The following BICC1 variants were observed in gnomAD, a reference collection of about 807,000 sequenced individuals.
BICC1 encodes BicC family RNA binding protein 1.
A neutral mutation model predicts 111.0 loss-of-function variants in BICC1; 43 were observed. That is an observed-to-expected ratio of 0.39 (90% CI 0.30 to 0.50). The LOEUF is 0.50. Ranked by LOEUF, BICC1 falls within the 20% of genes least tolerant of loss-of-function variation. The pLI is 0.88. For synonymous variants in BICC1, 467 were observed against 434.4 expected (o/e 1.07, Z -0.93); for missense variants, 1,091 against 1,203.2 (o/e 0.91, Z 1.38).
intron 1 of BICC1, among the ~76,000 whole-genome samples, chr10:58,570,958 G>GAA (rs1843930312): frequency 6.6e-6 from 1 of 152,168 alleles, no homozygotes; most frequent in Admixed American, 6.6e-5. Context: ...TTTTTGGGTA[G>GAA]AAATGTTTGC....
At chr10:58,820,112 C>G (rs1160846858) in intron 19 of BICC1, among the ~76,000 whole-genome samples, 2 of 152,092 alleles carry the variant, frequency 1.3e-5, no homozygotes, top group Non-Finnish European at 2.9e-5. Context: ...TATCAGTTCA[C>G]AAAAATGGTA....
chr10:58,718,885 G>C (rs1199565115), intron 3 of BICC1, among the ~76,000 whole-genome samples: 4 of 152,110 alleles, frequency 2.6e-5, no homozygotes, highest in Non-Finnish European at 5.9e-5. Context: ...GAATTTCTGA[G>C]TTTTCTTGGT....
intron 1 of BICC1, among the ~76,000 whole-genome samples, chr10:58,553,866 A>G (rs1004602041): frequency 1.3e-5 from 2 of 151,926 alleles, no homozygotes; most frequent in African/African-American, 4.8e-5. Flanking sequence ...AAAAAAAACC[A>G]GTCTACTGGG....
At chr10:58,658,531 T>A (rs1428139887) in intron 2 of BICC1, among the ~76,000 whole-genome samples, 2 of 152,110 alleles carry the variant, frequency 1.3e-5, no homozygotes, top group Non-Finnish European at 2.9e-5. Context: ...AGTTGCCAAA[T>A]GGTGATTAAT....
At chr10:58,729,438 A>G (rs1480538102) in intron 3 of BICC1, among the ~76,000 whole-genome samples, 1 of 152,122 alleles carries the variant, frequency 6.6e-6, no homozygotes, top group African/African-American at 2.4e-5. Context: ...AATTGAAGAG[A>G]GTTAGGGCTT....
At chr10:58,627,755 G>A (rs942878715) in intron 2 of BICC1, among the ~76,000 whole-genome samples, 4 of 151,844 alleles carry the variant, frequency 2.6e-5, no homozygotes, top group African/African-American at 9.7e-5. Flanking sequence ...TCTTAGCGGG[G>A]GCATAGGACA....
intron 3 of BICC1, among the ~76,000 whole-genome samples, chr10:58,779,742 G>C (rs1230463060): frequency 6.6e-6 from 1 of 152,142 alleles, no homozygotes; most frequent in Non-Finnish European, 1.5e-5. Flanking sequence ...ACATCATAAA[G>C]GAAATCTGTA....
intron 18 of BICC1, chr10:58,814,451 A>G (rs186649517): frequency 7.0e-6 from 2 of 286,408 alleles, no homozygotes; most frequent in South Asian, 5.3e-5. Flanking sequence ...ATGTACACAC[A>G]TGCATCCAGG....
chr10:58,684,338 T>G (rs558137273), intron 2 of BICC1, among the ~76,000 whole-genome samples: 2 of 152,234 alleles, frequency 1.3e-5, no homozygotes, highest in Non-Finnish European at 2.9e-5. Flanking sequence ...AAATTCTCTT[T>G]TTTTTGTTGT....
chr10:58,797,729 T>C lies in BICC1; in HGVS notation c.1367-670T>C, dbSNP rs535026208. On this transcript the variant is annotated intron_variant, in intron 10 of 20. Transcript: ENST00000373886. The stretch of plus-strand genomic sequence containing the variant: ...GTATTCCTGGAAACTTGTATACAAA[T>C]CCACATTTCATTCTAGAACATATTT... 2.4e-4 allele frequency among the ~76,000 whole-genome samples: 36 copies of C among 152,316 alleles called. No homozygotes were observed. In the South Asian group the frequency reaches 5.2e-3, roughly 22 times the overall value.
intron 1 of BICC1, among the ~76,000 whole-genome samples, chr10:58,602,643 A>T (rs1174282515): frequency 1.3e-5 from 2 of 152,176 alleles, no homozygotes; most frequent in Non-Finnish European, 2.9e-5. Context: ...AGAGAAGGGG[A>T]TCTGCTTAAT....
At chr10:58,526,275 A>G (rs1842540050) in intron 1 of BICC1, among the ~76,000 whole-genome samples, 1 of 151,870 alleles carries the variant, frequency 6.6e-6, no homozygotes, top group Non-Finnish European at 1.5e-5. Flanking sequence ...AGACCTAGAC[A>G]CTAGTTTTCC....
chr10:58,580,783 C>T (rs1201430989), intron 1 of BICC1, among the ~76,000 whole-genome samples: 2 of 152,104 alleles, frequency 1.3e-5, no homozygotes, highest in Non-Finnish European at 2.9e-5. Flanking sequence ...ATTTGAAAAC[C>T]TCAGTTACCA....
At chr10:58,628,452 A>T (rs1488494210) in intron 2 of BICC1, among the ~76,000 whole-genome samples, 1 of 152,152 alleles carries the variant, frequency 6.6e-6, no homozygotes, top group Non-Finnish European at 1.5e-5. Flanking sequence ...CCCCCCTTTC[A>T]TCCATTTGCC....
intron 1 of BICC1, among the ~76,000 whole-genome samples, chr10:58,548,566 A>G (rs1452672852): frequency 6.6e-6 from 1 of 152,152 alleles, no homozygotes; most frequent in African/African-American, 2.4e-5. Flanking sequence ...AATGTCATGT[A>G]TCCCCCATTA....
At chr10:58,623,613 G>A (rs1309766901) in intron 2 of BICC1, among the ~76,000 whole-genome samples, 1 of 152,192 alleles carries the variant, frequency 6.6e-6, no homozygotes, top group Non-Finnish European at 1.5e-5. Context: ...TCTTCCAGCT[G>A]GGTTGGTAGC....
At chr10:58,750,203 C>T (rs1053333672) in intron 3 of BICC1, among the ~76,000 whole-genome samples, 47 of 151,962 alleles carry the variant, frequency 3.1e-4, no homozygotes, top group African/African-American at 8.9e-4. Context: ...AAAATGGTAG[C>T]GAGTGAGAGA....
intron 2 of BICC1, among the ~76,000 whole-genome samples, chr10:58,665,947 A>G (rs535463854): frequency 6.6e-6 from 1 of 152,290 alleles, no homozygotes; most frequent in African/African-American, 2.4e-5. Flanking sequence ...GTTTCATCTG[A>G]ACATCCAGTT....
At chr10:58,798,155 C>G (rs1843416786) in intron 10 of BICC1, among the ~76,000 whole-genome samples, 1 of 152,172 alleles carries the variant, frequency 6.6e-6, no homozygotes, top group South Asian at 2.1e-4. Context: ...AACTGCCATC[C>G]TGGTCTGGGC....
Sources: allele counts gnomAD v4.1 joint callset (sites outside exome capture counted in the v4.1 genomes callset), GRCh38; gene constraint gnomAD v4.1.1; transcripts MANE v1.5; gene names NCBI Gene and HGNC (gene_info 2026-07-23, HGNC 2026-07-21).